CSMD1: variants seen among roughly 807,000 people sequenced by gnomAD.
CSMD1 encodes CUB and Sushi multiple domains 1, also known as CUB and sushi domain-containing protein 1.
In CSMD1, 213 loss-of-function variants were observed where a neutral mutation model predicts 417.5. The observed-to-expected ratio is 0.51, with a 90% CI of 0.46 to 0.57. The LOEUF is 0.57. Among genes scored for constraint, CSMD1 ranks in the 20% least tolerant of loss-of-function variants. The pLI is 0.00. For synonymous variants in CSMD1, 2,862 were observed against 1,736.8 expected (o/e 1.65, Z -16.11); for missense variants, 6,923 against 4,529.7 (o/e 1.53, Z -15.17).
At chr8:4,277,667 G>A (rs931649062) in intron 3 of CSMD1, among the ~76,000 whole-genome samples, 2 of 152,266 alleles carry the variant, frequency 1.3e-5, no homozygotes, top group South Asian at 2.1e-4. Context: ...ATCATGTACT[G>A]ATTTAAACAC....
rs146243111 is a variant in CSMD1 at position 4,166,674 on chromosome 8, G to A, written c.416-134575C>T. On this transcript the variant is annotated intron_variant, in intron 3 of 69. Coordinates refer to ENST00000635120, the MANE Select transcript of CSMD1 (RefSeq NM_033225.6). ...TACCGTGTACACTGCTGGGGTGATG[G>A]GTGCACCAAAATCAAGAAAATCAGC... 1.1e-3 allele frequency among the ~76,000 whole-genome samples: 166 copies of A among 152,062 alleles called. 1 individual carries two copies. Among genetic ancestry groups the A allele is most frequent in the African/African-American group, 3.7e-3 (153 of 41,480 alleles).
chr8:4,311,038 T>C (rs893775964), intron 3 of CSMD1, among the ~76,000 whole-genome samples: 1 of 152,206 alleles, frequency 6.6e-6, no homozygotes, highest in African/African-American at 2.4e-5. Flanking sequence ...GGAACACTTA[T>C]ACACCACTGG....
chr8:2,965,850 T>C lies in CSMD1; in HGVS notation c.9205A>G (p.Met3069Val), dbSNP rs749831789. 3.7e-6 allele frequency: 6 copies of C among 1,609,330 alleles called. No homozygotes were observed. Among genetic ancestry groups the C allele is most frequent in the Non-Finnish European group, 5.1e-6 (6 of 1,177,750 alleles). Residue 3069 changes from methionine to valine, a missense_variant, in exon 59 of 70, where the codon ATG becomes GTG. Met to Val is a conservative substitution (Grantham distance 21). Coordinates refer to ENST00000635120, the MANE Select transcript of CSMD1 (RefSeq NM_033225.6). ...ATAGTGGCGGATGTGACTGCTTCCA[T>C]GACATAGCCTGGGTTACACTGATAG... ...VSYQCNPGYVMEAVTSATIRC... is the reference protein window; with the variant it reads ...VSYQCNPGYVVEAVTSATIRC...
At chr8:4,222,021 C>T (rs756359852) in intron 3 of CSMD1, among the ~76,000 whole-genome samples, 15 of 144,902 alleles carry the variant, frequency 1.0e-4, no homozygotes, top group African/African-American at 3.1e-4. Flanking sequence ...TAAACCTGTA[C>T]ATTTTAGTTC....
intron 5 of CSMD1, among the ~76,000 whole-genome samples, chr8:3,823,670 G>A (rs553396156): frequency 2.6e-5 from 4 of 151,872 alleles, no homozygotes; most frequent in African/African-American, 4.8e-5. Context: ...TCATTTACAC[G>A]TTTTATGCAA....
chr8:4,653,985 G>T (rs1358461003), intron 1 of CSMD1, among the ~76,000 whole-genome samples: 1 of 151,962 alleles, frequency 6.6e-6, no homozygotes, highest in Non-Finnish European at 1.5e-5. Context: ...TCATGATTAG[G>T]TTCCATTCAA....
intron 50 of CSMD1, among the ~76,000 whole-genome samples, chr8:3,048,760 G>C (rs1397249737): frequency 6.6e-6 from 1 of 151,402 alleles, no homozygotes; most frequent in Non-Finnish European, 1.5e-5. Flanking sequence ...AAAGTCCTCA[G>C]CTCTGCAGAA....
chr8:3,391,549 G>C (rs532410571), intron 17 of CSMD1, among the ~76,000 whole-genome samples: 42 of 152,272 alleles, frequency 2.8e-4, no homozygotes, highest in African/African-American at 9.9e-4. Context: ...AGAATGGCTA[G>C]ACTGTCGCTG....
At chr8:3,922,124 T>C (rs1251344897) in intron 5 of CSMD1, among the ~76,000 whole-genome samples, 1 of 141,568 alleles carries the variant, frequency 7.1e-6, no homozygotes, top group Non-Finnish European at 1.6e-5. Flanking sequence ...ATCATTATAT[T>C]ATGACATTCT....
At chr8:3,772,762 G>A (rs898723621) in intron 5 of CSMD1, among the ~76,000 whole-genome samples, 4 of 149,082 alleles carry the variant, frequency 2.7e-5, no homozygotes, top group African/African-American at 4.9e-5. Context: ...AGCAAATATT[G>A]AACGAATGTC....
rs554235909 is a variant in CSMD1 at position 3,441,951 on chromosome 8, C to T, written c.1561+26761G>A. 4.0e-5 allele frequency among the ~76,000 whole-genome samples: 6 copies of T among 151,892 alleles called. 1 individual carries two copies. The highest frequency in any genetic ancestry group is 1.4e-4 in the African/African-American group (6 of 41,420). ...AGAGCTTCATTCATGTGTGGTATTG[C>T]CCCGAAGACTTTCCAGTGGGACAAG... On this transcript the variant is annotated intron_variant, in intron 12 of 69. Coordinates refer to ENST00000635120, the MANE Select transcript of CSMD1 (RefSeq NM_033225.6).
intron 3 of CSMD1, among the ~76,000 whole-genome samples, chr8:4,046,605 T>C (rs1232603783): frequency 3.9e-5 from 6 of 152,252 alleles, no homozygotes; most frequent in Admixed American, 6.5e-5. Context: ...CTACTGTTGA[T>C]TGTTGAGTCT....
chr8:4,789,920 G>A (rs1443560187), intron 1 of CSMD1, among the ~76,000 whole-genome samples: 1 of 152,140 alleles, frequency 6.6e-6, no homozygotes, highest in Non-Finnish European at 1.5e-5. Flanking sequence ...CATCAGATCT[G>A]TTCTGCCAGA....
chr8:3,747,754 G>T (rs541184692), intron 6 of CSMD1, among the ~76,000 whole-genome samples: 1 of 152,066 alleles, frequency 6.6e-6, no homozygotes, highest in African/African-American at 2.4e-5. Context: ...TTTCTAAAAC[G>T]GTCGTATCAA....
intron 25 of CSMD1, among the ~76,000 whole-genome samples, chr8:3,292,685 C>T (rs1231367238): frequency 3.3e-5 from 5 of 152,116 alleles, no homozygotes; most frequent in African/African-American, 9.7e-5. Flanking sequence ...CTTGGTAGAT[C>T]TTCCTCCATC....
chr8:4,157,492 C>G (rs912071596), intron 3 of CSMD1, among the ~76,000 whole-genome samples: 2 of 152,060 alleles, frequency 1.3e-5, no homozygotes, highest in African/African-American at 4.8e-5. Context: ...TTCTGACTAG[C>G]GGAGAAAGAG....
intron 1 of CSMD1, among the ~76,000 whole-genome samples, chr8:4,812,747 C>G (rs754625283): frequency 3.9e-5 from 6 of 152,148 alleles, no homozygotes; most frequent in Non-Finnish European, 7.3e-5. Context: ...CACAAAGCAT[C>G]TGGAAAAGAC....
At chr8:4,940,554 G>A (rs1309940838) in intron 1 of CSMD1, among the ~76,000 whole-genome samples, 1 of 152,200 alleles carries the variant, frequency 6.6e-6, no homozygotes. Flanking sequence ...CATCCACACA[G>A]TATCAACTAG....
intron 1 of CSMD1, among the ~76,000 whole-genome samples, chr8:4,859,475 C>T (rs575457464): frequency 2.0e-5 from 3 of 152,216 alleles, no homozygotes; most frequent in East Asian, 3.9e-4. Context: ...GAACAGGCAA[C>T]CTACACAATG....
Sources: gnomAD v4.1 joint callset for allele counts (sites outside exome capture counted in the v4.1 genomes callset) on GRCh38, gnomAD v4.1.1 for gene constraint, MANE v1.5 for transcripts, NCBI Gene and HGNC (gene_info 2026-07-23, HGNC 2026-07-21) for gene names.